SLFN5: variants seen among roughly 807,000 people sequenced by gnomAD.
SLFN5 encodes the protein schlafen family member 5.
In SLFN5, 34 loss-of-function variants were observed where a neutral mutation model predicts 48.5. That is an observed-to-expected ratio of 0.70 (90% CI 0.53 to 0.93). The LOEUF is 0.93. Among genes scored for constraint, SLFN5 ranks in the 40% least tolerant of loss-of-function variants. The pLI, the probability that SLFN5 is intolerant of heterozygous loss-of-function variation, is 0.00. For synonymous variants in SLFN5, 387 were observed against 396.2 expected, an observed-to-expected ratio of 0.98 and a Z score of 0.28; for missense variants, 1,006 against 1,071.3, an observed-to-expected ratio of 0.94 and a Z score of 0.85.
intron 3 of SLFN5, among the ~76,000 whole-genome samples, chr17:35,262,678 C>G (rs1904554861): frequency 1.3e-5 from 2 of 152,018 alleles, no homozygotes; most frequent in African/African-American, 4.8e-5. Context: ...GCCTAGGCAA[C>G]ATGGTGAAAC....
chr17:35,264,087 G>T, intron 3 of SLFN5, 96 bp from the exon 4 acceptor site: 1 of 1,407,244 alleles, frequency 7.1e-7, no homozygotes, highest in Non-Finnish European at 9.4e-7. Flanking sequence ...TAGATACATA[G>T]TAGAGTCCCA....
intron 3 of SLFN5, among the ~76,000 whole-genome samples, chr17:35,262,015 A>G (rs1043366251): frequency 6.6e-6 from 1 of 152,016 alleles, no homozygotes; most frequent in African/African-American, 2.4e-5. Flanking sequence ...ATGACGTCTA[A>G]TTTTTTCATT....
In SLFN5 at chr17:35,265,752, G is replaced by A. The variant is rs1567793220; in HGVS notation, c.2540G>A (p.Arg847Gln). The change falls in exon 5 of 5, where the codon CGA becomes CAA. Residue 847 changes from arginine (R) to glutamine (Q), a missense_variant. Arg to Gln is a conservative substitution (Grantham distance 43, BLOSUM62 1). Coordinates refer to ENST00000299977, the MANE Select transcript of SLFN5 (RefSeq NM_144975.4). The stretch of plus-strand genomic sequence containing the variant: ...CACATTGTGTTGGACAGTGTCTGTC[G>A]ATTTTCAGGCCTGGAAAGAAATATC... ...TDHIVLDSVC[R>Q]FSGLERNIVF... The A allele has an allele frequency of 4.3e-6, 7 of 1,614,030 alleles. No homozygotes were observed. The highest frequency in any genetic ancestry group is 1.3e-5 in the African/African-American group (1 of 74,898).
chr17:35,261,126 T>A (rs1225599945), intron 3 of SLFN5, 30 bp downstream of exon 3: 1 of 1,606,346 alleles, frequency 6.2e-7, no homozygotes, highest in Admixed American at 1.7e-5. Context: ...TGCTTTGGAA[T>A]ATGTTGATTG....
chr17:35,264,456 C>T lies in SLFN5; in HGVS notation c.1412C>T (p.Ala471Val). The change falls in exon 4 of 5, where the codon GCC (alanine) becomes GTC (valine). Residue 471 changes from alanine (A) to valine (V), a missense_variant. Coordinates refer to ENST00000299977, the MANE Select transcript of SLFN5 (RefSeq NM_144975.4). ...AGCKGYSMIVAYSLKQKLVNK... is the reference protein window; with the variant it reads ...AGCKGYSMIVVYSLKQKLVNK... ...TGCAAGGGCTATTCTATGATAGTTG[C>T]CTATTCTTTGAAGCAGAAGCTGGTG... The T allele has an allele frequency of 2.5e-6, 4 of 1,614,118 alleles. No individual in the cohort carries two copies. The highest frequency in any genetic ancestry group is 2.5e-6 in the Non-Finnish European group (3 of 1,180,018).
At position 35,259,488 on chromosome 17, in the gene SLFN5, T is replaced by C. The variant is rs1390616537; in HGVS notation, c.798T>C (p.His266=). ...GTATTAAGAAGCTACCTGTCCATCA[T>C]TTCTGCACACAGAGGCCTGAGATAA... ...DGCIKKLPVH[H]FCTQRPEIKY... Residue 266 remains histidine, a synonymous_variant, in exon 2 of 5, where the codon CAT becomes CAC. Coordinates refer to ENST00000299977, the MANE Select transcript of SLFN5 (RefSeq NM_144975.4). 3 of 1,614,252 alleles carry C rather than the reference T, an allele frequency of 1.9e-6. No individual in the cohort carries two copies. Among genetic ancestry groups the C allele is most frequent in the Non-Finnish European group, 2.5e-6 (3 of 1,180,036 alleles).
chr17:35,248,735 G>A (rs890988505), intron 1 of SLFN5, among the ~76,000 whole-genome samples: 5 of 152,034 alleles, frequency 3.3e-5, no homozygotes, highest in African/African-American at 1.2e-4. Flanking sequence ...TGAATTAAGA[G>A]TTATACTTAA....
intron 1 of SLFN5, among the ~76,000 whole-genome samples, chr17:35,252,285 G>A (rs1156925398): frequency 6.6e-6 from 1 of 152,084 alleles, no homozygotes; most frequent in Non-Finnish European, 1.5e-5. Context: ...TAAAAAATTA[G>A]CTGTGCATTG....
chr17:35,260,589 G>A (rs537544016), intron 2 of SLFN5, among the ~76,000 whole-genome samples: 21 of 152,176 alleles, frequency 1.4e-4, no homozygotes, highest in African/African-American at 5.1e-4. Context: ...AGCTGGATGT[G>A]GTGACGCACG....
chr17:35,265,299 T>TC lies in SLFN5; in HGVS notation c.2093dup (p.Pro699SerfsTer22), dbSNP rs745817019. The TC allele has an allele frequency of 5.0e-5, 81 of 1,613,868 alleles. No individual in the cohort carries two copies. In the East Asian group the frequency reaches 1.7e-3, roughly 34 times the overall value. On this transcript the variant is annotated frameshift_variant, in exon 5 of 5. Coordinates refer to ENST00000299977, the MANE Select transcript of SLFN5 (RefSeq NM_144975.4). LOFTEE classifies it low-confidence loss of function (END_TRUNC). ...ACCTATCACTTGAGTTGCAGTGGCC[T>TC]CCCCCCTCCCTCAGACCAGTATCCA...
At chr17:35,260,225 C>T (rs1046974842) in intron 2 of SLFN5, among the ~76,000 whole-genome samples, 20 of 151,914 alleles carry the variant, frequency 1.3e-4, no homozygotes, top group Non-Finnish European at 2.9e-4. Flanking sequence ...TTTGGGGAGC[C>T]GGTACGTGAT....
chr17:35,271,610 A>G lies in SLFN5; in HGVS notation c.*5722A>G, dbSNP rs780120571. The G allele has an allele frequency of 1.6e-4, 25 of 152,252 alleles. No homozygotes were observed. The highest frequency in any genetic ancestry group is 2.5e-4 in the Non-Finnish European group (17 of 68,050). 9.4% of individuals were successfully genotyped at this position (152,252 alleles called of 1,614,324 possible). Reference sequence around the variant, plus strand: ...AAGAACTTAAACAGATAAAAAGCAGACCACGTTTTTGGATAAGAAGATTAA... The same window carrying G: ...AAGAACTTAAACAGATAAAAAGCAGGCCACGTTTTTGGATAAGAAGATTAA... On this transcript the variant is annotated 3_prime_UTR_variant, in exon 5 of 5. Transcript: ENST00000299977.
At position 35,263,551 on chromosome 17, in the gene SLFN5, G is replaced by A. The variant is rs114374315; in HGVS notation, c.1139-632G>A. 7.6e-3 allele frequency among the ~76,000 whole-genome samples: 1,153 copies of A among 152,052 alleles called. 13 individuals carry two copies. The highest frequency in any genetic ancestry group is 0.026 in the African/African-American group (1,084 of 41,458). ...TAATAATCAGCTCAGGGCTGGGTGCGGTGACGCACGCCTGTGATCCCAGCA... is the reference window on the plus strand; with the variant it reads ...TAATAATCAGCTCAGGGCTGGGTGCAGTGACGCACGCCTGTGATCCCAGCA... On this transcript the variant is annotated intron_variant, in intron 3 of 4. Coordinates refer to ENST00000299977, the MANE Select transcript of SLFN5 (RefSeq NM_144975.4).
chr17:35,246,430 C>T (rs1659208528), intron 1 of SLFN5, among the ~76,000 whole-genome samples: 1 of 152,166 alleles, frequency 6.6e-6, no homozygotes, highest in African/African-American at 2.4e-5. Flanking sequence ...CAGCCATTAG[C>T]ACCATTCTGA....
chr17:35,265,555 G>A lies in SLFN5; in HGVS notation c.2343G>A (p.Leu781=), dbSNP rs1904655914. 6.2e-7 allele frequency: 1 copy of A among 1,614,182 alleles called. No homozygotes were observed. ...TAGCGAATAAATGCCGTTTTCTCTT[G>A]CGGAATGGTTATTCTCCGAAGGATA... ...IYVANKCRFL[L]RNGYSPKDIA... Residue 781 remains leucine, a synonymous_variant, in exon 5 of 5, where the codon TTG becomes TTA. Transcript: ENST00000299977.
intron 1 of SLFN5, among the ~76,000 whole-genome samples, chr17:35,255,064 C>T (rs1023129463): frequency 6.6e-6 from 1 of 152,076 alleles, no homozygotes; most frequent in African/African-American, 2.4e-5. Flanking sequence ...TTTTAAAAAA[C>T]TCACTATTGT....
intron 2 of SLFN5, 123 bp from the exon 3 acceptor site, chr17:35,260,848 A>T: frequency 2.4e-6 from 3 of 1,236,302 alleles, no homozygotes; most frequent in Non-Finnish European, 3.2e-6. Flanking sequence ...TGAGATGTAA[A>T]GGCAAGTATC....
At chr17:35,262,002 T>C (rs1200951868) in intron 3 of SLFN5, among the ~76,000 whole-genome samples, 2 of 152,094 alleles carry the variant, frequency 1.3e-5, no homozygotes, top group African/African-American at 4.8e-5. Context: ...GATGGACTTT[T>C]ATATGACGTC....
chr17:35,261,766 C>T (rs1173762891), intron 3 of SLFN5, among the ~76,000 whole-genome samples: 4 of 150,514 alleles, frequency 2.7e-5, no homozygotes, highest in Non-Finnish European at 4.4e-5. Context: ...ACCTTCACCT[C>T]CCGGGTTCAA....
Sources: gnomAD v4.1 joint callset for allele counts (sites outside exome capture counted in the v4.1 genomes callset) on GRCh38, gnomAD v4.1.1 for gene constraint, MANE v1.5 for transcripts, NCBI Gene and HGNC (gene_info 2026-07-23, HGNC 2026-07-21) for gene names.